Variants in SRGAP1 observed in about 807,000 individuals in gnomAD.
SRGAP1 encodes SLIT-ROBO Rho GTPase-activating protein 1.
Under a neutral mutation model 121.9 loss-of-function variants are expected in SRGAP1, and 43 were observed. That is an observed-to-expected ratio of 0.35 (90% CI 0.28 to 0.46). The LOEUF is 0.46. Among genes scored for constraint, SRGAP1 ranks in the 20% least tolerant of loss-of-function variants. The pLI, the probability that SRGAP1 is intolerant of heterozygous loss-of-function variation, is 1.00. For missense variants in SRGAP1, 1,102 were observed against 1,350.9 expected (o/e 0.82, Z 2.89); for synonymous variants, 447 against 485.4 (o/e 0.92, Z 1.04).
At chr12:63,929,578 T>G (rs1382131427) in intron 1 of SRGAP1, among the ~76,000 whole-genome samples, 1 of 150,812 alleles carries the variant, frequency 6.6e-6, no homozygotes, top group African/African-American at 2.4e-5. Context: ...CCCACGAGTT[T>G]TTTTTTTTTT....
intron 6 of SRGAP1, among the ~76,000 whole-genome samples, chr12:64,060,183 T>C (rs187944319): frequency 8.6e-5 from 13 of 150,936 alleles, no homozygotes; most frequent in Admixed American, 8.6e-4. Context: ...CCTTTTTTCT[T>C]CCTTCCTTTC....
rs536582906 is a variant in SRGAP1 at position 64,130,879 on chromosome 12, T to TCA, written c.2880+2680_2880+2681insAC. Among the ~76,000 whole-genome samples, 627 of 152,332 alleles carry TCA rather than the reference T, an allele frequency of 4.1e-3. 3 individuals are homozygous for TCA. The highest frequency in any genetic ancestry group is 8.4e-3 in the Admixed American group (129 of 15,306). On this transcript the variant is annotated intron_variant, in intron 21 of 21. Transcript: ENST00000355086. ...CTGTCTATTCCAGTGAGGACAAACC[T>TCA]CTGCCCTTTTCATGATGGAAGAGGT...
chr12:63,934,280 C>T (rs1295146469), intron 1 of SRGAP1, among the ~76,000 whole-genome samples: 1 of 152,172 alleles, frequency 6.6e-6, no homozygotes, highest in Non-Finnish European at 1.5e-5. Flanking sequence ...AGTCAGTAAA[C>T]CCAGATCTCA....
intron 1 of SRGAP1, among the ~76,000 whole-genome samples, chr12:63,860,580 A>C (rs144652939): frequency 1.3e-5 from 2 of 152,296 alleles, no homozygotes; most frequent in Non-Finnish European, 2.9e-5. Context: ...CTGACATAAA[A>C]TTGTTTACAG....
intron 14 of SRGAP1, among the ~76,000 whole-genome samples, chr12:64,096,280 G>A (rs1408198382): frequency 6.6e-6 from 1 of 152,146 alleles, no homozygotes; most frequent in Admixed American, 6.5e-5. Context: ...ATAAATTCAT[G>A]TTCAGTGATT....
rs2037058504 is a variant in SRGAP1, at chr12:64,146,732, T to C, written c.*4060T>C. On this transcript the variant is annotated 3_prime_UTR_variant, in exon 22 of 22. Coordinates refer to ENST00000355086, the MANE Select transcript of SRGAP1 (RefSeq NM_020762.4). ...CCCAGGCGTAAATAGAGCTCCCTAC[T>C]CCAGACCACCTGCCACCCACCTCCC... 6.6e-6 allele frequency: 1 copy of C among 152,030 alleles called. No individual in the cohort carries two copies. Among genetic ancestry groups the C allele is most frequent in the Non-Finnish European group, 1.5e-5 (1 of 68,032 alleles). 9.4% of individuals were successfully genotyped at this position (152,030 alleles called of 1,614,324 possible). A position where few individuals can be genotyped will look rare whatever the true frequency, so the allele number is the denominator to read the frequency against.
At chr12:63,915,763 A>G (rs1029865686) in intron 1 of SRGAP1, among the ~76,000 whole-genome samples, 3 of 152,220 alleles carry the variant, frequency 2.0e-5, no homozygotes, top group Non-Finnish European at 4.4e-5. Flanking sequence ...TATTAGAAAG[A>G]TAAAGGAAAA....
intron 1 of SRGAP1, among the ~76,000 whole-genome samples, chr12:63,941,210 C>T (rs2031852690): frequency 6.6e-6 from 1 of 151,558 alleles, no homozygotes; most frequent in Non-Finnish European, 1.5e-5. Flanking sequence ...CCTTTCTCTC[C>T]TACTGTTTGC....
intron 10 of SRGAP1, among the ~76,000 whole-genome samples, chr12:64,082,978 C>T (rs1306170926): frequency 6.6e-6 from 1 of 152,254 alleles, no homozygotes; most frequent in Admixed American, 6.5e-5. Flanking sequence ...TTGCTGGTCA[C>T]TGCCTGGATA....
chr12:63,990,841 G>A lies in SRGAP1; in HGVS notation c.426+769G>A, dbSNP rs183085620. On this transcript the variant is annotated intron_variant, in intron 3 of 21. Coordinates refer to ENST00000355086, the MANE Select transcript of SRGAP1 (RefSeq NM_020762.4). ...GTGCTACTCTCTTGAGAAGATGTTA[G>A]CACAGTCTTTCTTAGTTCACCAGAC... Among the ~76,000 whole-genome samples the A allele has an allele frequency of 3.0e-3, 461 of 152,324 alleles. 1 individual carries two copies. The highest frequency in any genetic ancestry group is 5.1e-3 in the Non-Finnish European group (349 of 68,026).
At chr12:64,001,537 T>A (rs1440276085) in intron 3 of SRGAP1, among the ~76,000 whole-genome samples, 1 of 152,178 alleles carries the variant, frequency 6.6e-6, no homozygotes, top group Admixed American at 6.5e-5. Context: ...TAACAAGTTA[T>A]CAAGTCCTAG....
chr12:64,045,541 T>C (rs1313433520), intron 6 of SRGAP1, among the ~76,000 whole-genome samples: 1 of 151,946 alleles, frequency 6.6e-6, no homozygotes, highest in Non-Finnish European at 1.5e-5. Flanking sequence ...GTTCAAGCAA[T>C]TCTCCTGCCT....
intron 1 of SRGAP1, among the ~76,000 whole-genome samples, chr12:63,919,527 T>TATATATATATATATAC (rs1238483459): frequency 6.8e-6 from 1 of 146,378 alleles, no homozygotes; most frequent in African/African-American, 2.7e-5. Flanking sequence ...TATATACACA[T>TATATATATATATATAC]ACACACACAC....
At chr12:64,010,002 A>G (rs186471341) in intron 3 of SRGAP1, among the ~76,000 whole-genome samples, 1 of 152,266 alleles carries the variant, frequency 6.6e-6, no homozygotes, top group Non-Finnish European at 1.5e-5. Context: ...AGTTTACCTG[A>G]ATTAAGGGAA....
chr12:63,860,808 A>T (rs1431975131), intron 1 of SRGAP1, among the ~76,000 whole-genome samples: 8 of 143,138 alleles, frequency 5.6e-5, no homozygotes, highest in Admixed American at 7.0e-5. Flanking sequence ...CTTTTTCTTC[A>T]TTTCTCTCTT....
In SRGAP1 at chr12:64,156,376, G is replaced by C. The variant is rs2037164547; in HGVS notation, c.*13704G>C. 6.6e-6 allele frequency: 1 copy of C among 152,122 alleles called. No homozygotes were observed. Among genetic ancestry groups the C allele is most frequent in the South Asian group, 2.1e-4 (1 of 4,814 alleles). The allele number at this position is 152,122 out of a possible 1,614,324, so 9.4% of individuals were successfully genotyped here. A position where few individuals can be genotyped will look rare whatever the true frequency, so the allele number is the denominator to read the frequency against. ...AGATGTTAATATGATTTACTTATTT[G>C]CAATTTTCATAGCTATATGATATTC... is the stretch of plus-strand genomic sequence containing the variant. On this transcript the variant is annotated 3_prime_UTR_variant, in exon 22 of 22. Coordinates refer to ENST00000355086, the MANE Select transcript of SRGAP1 (RefSeq NM_020762.4).
chr12:64,120,893 A>G (rs1487758447), intron 18 of SRGAP1, among the ~76,000 whole-genome samples: 2 of 151,976 alleles, frequency 1.3e-5, no homozygotes, highest in Admixed American at 6.6e-5. Flanking sequence ...TATTAATGCA[A>G]TTACAAAGGT....
chr12:63,928,040 A>T (rs989543706), intron 1 of SRGAP1, among the ~76,000 whole-genome samples: 6 of 151,964 alleles, frequency 3.9e-5, no homozygotes, highest in African/African-American at 1.5e-4. Context: ...TCAGGAACCC[A>T]CTCAGGATAT....
chr12:63,888,574 C>CT (rs1157420049), intron 1 of SRGAP1: 3 of 152,174 alleles, frequency 2.0e-5, no homozygotes, highest in Admixed American at 2.0e-4. Flanking sequence ...GAGAGCTTTA[C>CT]TTTTACTAGA....
Sources: gnomAD v4.1 joint callset for allele counts (sites outside exome capture counted in the v4.1 genomes callset) on GRCh38, gnomAD v4.1.1 for gene constraint, MANE v1.5 for transcripts, NCBI Gene and HGNC (gene_info 2026-07-23, HGNC 2026-07-21) for gene names.